MBD5: variants seen among roughly 807,000 people sequenced by gnomAD.
MBD5 encodes methyl-CpG-binding domain protein 5.
In MBD5, 13 loss-of-function variants were observed where a neutral mutation model predicts 117.3. The observed-to-expected ratio is 0.11, with a 90% CI of 0.07 to 0.18. The LOEUF is 0.18. Among genes scored for constraint, MBD5 ranks in the 10% least tolerant of loss-of-function variants. MBD5 has a pLI of 1.00. For synonymous variants in MBD5, 727 were observed against 766.4 expected (o/e 0.95, Z 0.85); for missense variants, 1,879 against 2,093.8 (o/e 0.90, Z 2.00).
chr2:148,265,219 G>A (rs1332494545), intron 3 of MBD5: 1 of 151,918 alleles, frequency 6.6e-6, no homozygotes, highest in Admixed American at 6.6e-5. Context: ...TCTAAAGGAA[G>A]AAAAACACAA....
In MBD5 at chr2:148,469,435, G is replaced by T; in HGVS notation, c.1492G>T (p.Gly498Trp). Residue 498 changes from glycine to tryptophan, a missense_variant, in exon 8 of 14, where the codon GGG (glycine) becomes TGG (tryptophan). Gly to Trp is a radical substitution (Grantham distance 184). Around this residue, in one of 4 missense-constraint regions of MBD5, gnomAD observed 1,666 missense variants for 1,792.2 expected, o/e 0.93. Coordinates refer to ENST00000642680, the MANE Select transcript of MBD5 (RefSeq NM_001378120.1). Reference sequence around the variant, plus strand: ...ACCCAGGTCACCAAGGTCAACAATAGGGTCCCCAAGGCCATCAATGCCATC... The same window carrying T: ...ACCCAGGTCACCAAGGTCAACAATATGGTCCCCAAGGCCATCAATGCCATC... ...VPPRSPRSTIGSPRPSMPSSP... is the reference protein window; with the variant it reads ...VPPRSPRSTIWSPRPSMPSSP... The T allele has an allele frequency of 6.2e-7, 1 of 1,613,820 alleles. No homozygotes were observed. Among genetic ancestry groups the T allele is most frequent in the South Asian group, 1.1e-5 (1 of 91,064 alleles).
At chr2:148,470,525 G>A in intron 8 of MBD5, 64 bp downstream of exon 8, 1 of 1,272,212 alleles carries the variant, frequency 7.9e-7, no homozygotes, top group African/African-American at 1.5e-5. Context: ...TAAAAAATTT[G>A]TACCAAAATA....
chr2:148,361,753 C>A (rs972664749), intron 4 of MBD5, among the ~76,000 whole-genome samples: 1 of 152,044 alleles, frequency 6.6e-6, no homozygotes, highest in Admixed American at 6.5e-5. Context: ...GGAACAGCTC[C>A]GGTCTGCAGC....
intron 3 of MBD5, among the ~76,000 whole-genome samples, chr2:148,316,474 G>T (rs1702161026): frequency 1.3e-5 from 2 of 152,082 alleles, no homozygotes; most frequent in South Asian, 4.2e-4. Context: ...CATATCCTCA[G>T]CTTGCTACCA....
intron 12 of MBD5, among the ~76,000 whole-genome samples, chr2:148,506,901 C>T (rs1417825800): frequency 6.6e-6 from 1 of 152,144 alleles, no homozygotes; most frequent in Non-Finnish European, 1.5e-5. Context: ...TTCTTGAATT[C>T]ATAGAGCTTT....
chr2:148,345,645 G>A (rs143921380), intron 4 of MBD5, among the ~76,000 whole-genome samples: 20,400 of 93,930 alleles, frequency 0.22, 2,656 homozygotes, highest in Non-Finnish European at 0.24. Context: ...GTATATACAC[G>A]TATACATATA....
At chr2:148,127,228 A>G (rs1344404313) in intron 1 of MBD5, among the ~76,000 whole-genome samples, 3 of 151,644 alleles carry the variant, frequency 2.0e-5, no homozygotes, top group African/African-American at 7.3e-5. Flanking sequence ...CGGCCTCCCA[A>G]TTTTCTTCAG....
intron 1 of MBD5, among the ~76,000 whole-genome samples, chr2:148,167,296 G>T (rs187233231): frequency 6.6e-6 from 1 of 152,122 alleles, no homozygotes; most frequent in African/African-American, 2.4e-5. Context: ...ATCAAATACT[G>T]ATTCATTAGT....
At chr2:148,061,493 A>G (rs1433167689) in intron 1 of MBD5, among the ~76,000 whole-genome samples, 1 of 152,046 alleles carries the variant, frequency 6.6e-6, no homozygotes, top group Non-Finnish European at 1.5e-5. Flanking sequence ...AGGGAAATCT[A>G]CCATATCATA....
chr2:148,207,455 CA>C (rs3076428), intron 2 of MBD5, among the ~76,000 whole-genome samples: 6 of 145,266 alleles, frequency 4.1e-5, no homozygotes, highest in African/African-American at 5.1e-5. Flanking sequence ...AAAAAAAGGA[CA>C]AAAAAAAAAC....
At chr2:148,081,120 TG>T (rs1377531650) in intron 1 of MBD5, among the ~76,000 whole-genome samples, 2 of 152,066 alleles carry the variant, frequency 1.3e-5, no homozygotes, top group African/African-American at 2.4e-5. Context: ...CAGCTCAGAG[TG>T]TCAGGGTGCT....
chr2:148,353,694 C>T (rs1703301969), intron 4 of MBD5, among the ~76,000 whole-genome samples: 1 of 152,072 alleles, frequency 6.6e-6, no homozygotes, highest in Admixed American at 6.6e-5. Flanking sequence ...GATCCTCCCA[C>T]CTCAGCCTCC....
At chr2:148,194,521 A>G (rs1322624719) in intron 2 of MBD5, among the ~76,000 whole-genome samples, 2 of 70,310 alleles carry the variant, frequency 2.8e-5, no homozygotes, top group East Asian at 9.1e-4. Context: ...CAAAAAACCA[A>G]ACACCGCATA....
chr2:148,383,263 A>G (rs535900053), intron 4 of MBD5, among the ~76,000 whole-genome samples: 2 of 152,232 alleles, frequency 1.3e-5, no homozygotes, highest in Non-Finnish European at 2.9e-5. Flanking sequence ...ATAAAAAATG[A>G]CAAAGGGGAT....
intron 3 of MBD5, among the ~76,000 whole-genome samples, chr2:148,286,869 T>C (rs1407631601): frequency 6.6e-6 from 1 of 152,180 alleles, no homozygotes; most frequent in Non-Finnish European, 1.5e-5. Context: ...AATATTTAAC[T>C]GAAGGCTATT....
chr2:148,056,438 T>C (rs1694865940), intron 1 of MBD5, among the ~76,000 whole-genome samples: 1 of 152,148 alleles, frequency 6.6e-6, no homozygotes, highest in South Asian at 2.1e-4. Flanking sequence ...GTGTTACCTT[T>C]AATTATTACT....
chr2:148,377,372 A>C (rs1704019742), intron 4 of MBD5, among the ~76,000 whole-genome samples: 1 of 152,048 alleles, frequency 6.6e-6, no homozygotes, highest in South Asian at 2.1e-4. Context: ...TCAAATGTTA[A>C]TCTCCTTTGG....
At chr2:148,038,503 A>C (rs1694258548) in intron 1 of MBD5, among the ~76,000 whole-genome samples, 1 of 149,284 alleles carries the variant, frequency 6.7e-6, no homozygotes, top group Non-Finnish European at 1.5e-5. Flanking sequence ...TAATAAGTAC[A>C]GTCTTATGAT....
At position 148,514,285 on chromosome 2, in the gene MBD5, A is replaced by C. The variant is rs1682295431; in HGVS notation, c.*1344A>C. On this transcript the variant is annotated 3_prime_UTR_variant, in exon 14 of 14. Coordinates refer to ENST00000642680, the MANE Select transcript of MBD5 (RefSeq NM_001378120.1). ...AGAGAAAATACTACATTACAAGTAT[A>C]CAAACCTAAAACTGTGAGCCATTGT... 2.0e-5 allele frequency: 3 copies of C among 152,240 alleles called. No individual in the cohort carries two copies. Among genetic ancestry groups the C allele is most frequent in the Non-Finnish European group, 2.9e-5 (2 of 68,036 alleles). 9.4% of individuals were successfully genotyped at this position (152,240 alleles called of 1,614,324 possible).
Sources: allele counts gnomAD v4.1 joint callset (sites outside exome capture counted in the v4.1 genomes callset), GRCh38; gene constraint gnomAD v4.1.1; regional missense constraint gnomAD v4.1.1; transcripts MANE v1.5; gene names NCBI Gene and HGNC (gene_info 2026-07-23, HGNC 2026-07-21).